GRIP1: variants seen among roughly 807,000 people sequenced by gnomAD.
The protein encoded by GRIP1 is glutamate receptor interacting protein 1, also known as glutamate receptor-interacting protein 1.
Under a neutral mutation model 129.9 loss-of-function variants are expected in GRIP1, and 45 were observed. The ratio of observed to expected loss-of-function variants is 0.35; its 90% confidence interval spans 0.27 to 0.44. The LOEUF (loss-of-function observed/expected upper bound fraction) is 0.44, where lower values mean the gene tolerates loss of function less well. Among genes scored for constraint, GRIP1 ranks in the 20% least tolerant of loss-of-function variants. The pLI is 1.00. For synonymous variants in GRIP1, 530 were observed against 520.8 expected (o/e 1.02, Z -0.24); for missense variants, 1,196 against 1,396.8 (o/e 0.86, Z 2.29).
chr12:66,634,155 T>C (rs1464772071), intron 1 of GRIP1, among the ~76,000 whole-genome samples: 1 of 152,224 alleles, frequency 6.6e-6, no homozygotes, highest in Non-Finnish European at 1.5e-5. Context: ...TTAGCATTCA[T>C]TCCACGAAAA....
At chr12:66,492,760 A>G (rs1430425562) in intron 7 of GRIP1, among the ~76,000 whole-genome samples, 1 of 152,220 alleles carries the variant, frequency 6.6e-6, no homozygotes, top group Non-Finnish European at 1.5e-5. Context: ...CTGTAATCCC[A>G]GCACTTTGGG....
chr12:66,589,074 C>T (rs1176497099), intron 2 of GRIP1, among the ~76,000 whole-genome samples: 2 of 151,816 alleles, frequency 1.3e-5, no homozygotes, highest in Admixed American at 1.3e-4. Flanking sequence ...TTATTTTCCC[C>T]CGGTGATGTT....
chr12:66,372,758 A>AG (rs1283048842), intron 22 of GRIP1, among the ~76,000 whole-genome samples: 2 of 43,674 alleles, frequency 4.6e-5, no homozygotes, highest in Non-Finnish European at 9.6e-5. Context: ...CAGAACTGGA[A>AG]AAAAAAAAAA....
intron 1 of GRIP1, among the ~76,000 whole-genome samples, chr12:66,622,081 A>G (rs1329855271): frequency 6.6e-6 from 1 of 152,188 alleles, no homozygotes; most frequent in Admixed American, 6.6e-5. Flanking sequence ...TTGATGTACA[A>G]AAGGTTTTAA....
intron 1 of GRIP1, among the ~76,000 whole-genome samples, chr12:66,650,636 A>G (rs1475483214): frequency 6.6e-6 from 1 of 152,162 alleles, no homozygotes; most frequent in Non-Finnish European, 1.5e-5. Flanking sequence ...ATGATTAACT[A>G]TCAGCATTTA....
chr12:66,506,065 G>C (rs2060517901), intron 7 of GRIP1, among the ~76,000 whole-genome samples: 1 of 152,208 alleles, frequency 6.6e-6, no homozygotes, highest in Admixed American at 6.5e-5. Flanking sequence ...GTGAGGATGT[G>C]AAGGATGTGA....
chr12:66,730,399 T>C (rs2036395712), intron 1 of GRIP1, among the ~76,000 whole-genome samples: 1 of 152,150 alleles, frequency 6.6e-6, no homozygotes, highest in African/African-American at 2.4e-5. Flanking sequence ...TGTATGTAGC[T>C]TACTTAAAAA....
intron 23 of GRIP1, among the ~76,000 whole-genome samples, chr12:66,364,286 A>G (rs1392072525): frequency 9.8e-4 from 144 of 147,442 alleles, no homozygotes; most frequent in African/African-American, 3.0e-3. Context: ...AAAAAAAAAA[A>G]AAAAGAAAGA....
At chr12:66,723,307 T>TCTTTC (rs1555230364) in intron 1 of GRIP1, among the ~76,000 whole-genome samples, 1 of 25,972 alleles carries the variant, frequency 3.9e-5, no homozygotes, top group African/African-American at 2.0e-4. Flanking sequence ...TTTCTTTCTT[T>TCTTTC]TTTTTTTTTT....
intron 1 of GRIP1, among the ~76,000 whole-genome samples, chr12:66,991,860 C>T (rs1271112330): frequency 6.6e-6 from 1 of 152,194 alleles, no homozygotes; most frequent in East Asian, 1.9e-4. Context: ...TGTATTCAGC[C>T]AGACGCCATC....
chr12:66,723,515 G>A (rs2036160419), intron 1 of GRIP1, among the ~76,000 whole-genome samples: 3 of 151,684 alleles, frequency 2.0e-5, no homozygotes, highest in African/African-American at 7.3e-5. Context: ...GTTTCACTAT[G>A]TTGGCCAGGT....
At chr12:67,022,317 A>G (rs1012667593) in intron 1 of GRIP1, among the ~76,000 whole-genome samples, 1 of 152,182 alleles carries the variant, frequency 6.6e-6, no homozygotes, top group Non-Finnish European at 1.5e-5. Flanking sequence ...GTTACACCAC[A>G]GTTTATTTAT....
intron 1 of GRIP1, among the ~76,000 whole-genome samples, chr12:66,664,009 C>G (rs2136205471): frequency 6.6e-6 from 1 of 152,244 alleles, no homozygotes; most frequent in Non-Finnish European, 1.5e-5. Context: ...TGGGAAAATA[C>G]TGGTTTAAAC....
chr12:66,352,409 T>G (rs913037609), intron 24 of GRIP1, among the ~76,000 whole-genome samples: 14 of 152,176 alleles, frequency 9.2e-5, no homozygotes, highest in Non-Finnish European at 2.1e-4. Context: ...GCATACACCA[T>G]TCCTGAAACA....
intron 5 of GRIP1, among the ~76,000 whole-genome samples, chr12:66,527,350 A>G (rs2061283501): frequency 6.6e-6 from 1 of 152,154 alleles, no homozygotes; most frequent in South Asian, 2.1e-4. Flanking sequence ...GCAGCCATAA[A>G]AAATGATGAG....
chr12:66,813,256 C>G (rs1202890683), intron 1 of GRIP1, among the ~76,000 whole-genome samples: 1 of 152,044 alleles, frequency 6.6e-6, no homozygotes, highest in Non-Finnish European at 1.5e-5. Context: ...GGAAAAGGTG[C>G]CGGGCTCCTT....
chr12:66,643,603 AGCACAG>A (rs1372225495), intron 1 of GRIP1, among the ~76,000 whole-genome samples: 5 of 152,102 alleles, frequency 3.3e-5, no homozygotes, highest in Non-Finnish European at 7.4e-5. Context: ...ATTATTTTGA[AGCACAG>A]TTTTGCTTTG....
At chr12:66,604,841 A>G (rs1465707864) in intron 1 of GRIP1, among the ~76,000 whole-genome samples, 1 of 152,166 alleles carries the variant, frequency 6.6e-6, no homozygotes, top group Non-Finnish European at 1.5e-5. Flanking sequence ...TTCTTGTTTA[A>G]AAAGCACACT....
chr12:66,793,525 A>C (rs1048710894), intron 1 of GRIP1, among the ~76,000 whole-genome samples: 1 of 152,350 alleles, frequency 6.6e-6, no homozygotes, highest in Non-Finnish European at 1.5e-5. Flanking sequence ...TTGAATACAA[A>C]ATAATTGAAT....
Sources: gnomAD v4.1 joint callset for allele counts (sites outside exome capture counted in the v4.1 genomes callset) on GRCh38, gnomAD v4.1.1 for gene constraint, MANE v1.5 for transcripts, NCBI Gene and HGNC (gene_info 2026-07-23, HGNC 2026-07-21) for gene names.